The following AP1B1 variants were observed in gnomAD, a reference collection of about 807,000 sequenced individuals.
AP1B1 encodes the protein adaptor related protein complex 1 subunit beta 1, also known as AP-1 complex subunit beta-1.
In AP1B1, 36 loss-of-function variants were observed where a neutral mutation model predicts 104.3. The observed-to-expected ratio is 0.35, with a 90% CI of 0.26 to 0.46. The LOEUF (loss-of-function observed/expected upper bound fraction) is 0.46, where lower values mean the gene tolerates loss of function less well. Among genes scored for constraint, AP1B1 ranks in the 20% least tolerant of loss-of-function variants. The pLI is 1.00. For synonymous variants in AP1B1, 504 were observed against 517.5 expected (o/e 0.97, Z 0.35); for missense variants, 901 against 1,247.9 (o/e 0.72, Z 4.19).
In AP1B1 at chr22:29,388,465, C is replaced by G. The variant is rs1294674070; in HGVS notation, c.-69G>C. 6.6e-6 allele frequency: 1 copy of G among 152,292 alleles called. No individual in the cohort carries two copies. The highest frequency in any genetic ancestry group is 1.5e-5 in the Non-Finnish European group (1 of 68,094). 9.4% of individuals were successfully genotyped at this position (152,292 alleles called of 1,614,324 possible). A position where few individuals can be genotyped will look rare whatever the true frequency, so the allele number is the denominator to read the frequency against. On this transcript the variant is annotated 5_prime_UTR_variant, in exon 1 of 23. Transcript: ENST00000357586. The stretch of plus-strand genomic sequence containing the variant: ...CTCCCGGCGCCCCGGCTCGGTTCGG[C>G]TTGGCACCAAAATGTCCGCGGCCTC...
At chr22:29,341,379 G>C in intron 13 of AP1B1, 122 bp downstream of exon 13, 1 of 1,254,696 alleles carries the variant, frequency 8.0e-7, no homozygotes, top group Non-Finnish European at 1.1e-6. Flanking sequence ...CTGATAAAAG[G>C]TTGTCAGTTT....
At position 29,346,794 on chromosome 22, in the gene AP1B1, T is replaced by TGGG. The variant is rs112494263; in HGVS notation, c.1437+2421_1437+2423dup. On this transcript the variant is annotated intron_variant, in intron 11 of 22. Coordinates refer to ENST00000357586, the MANE Select transcript of AP1B1 (RefSeq NM_001127.4). ...AAGGCAGTCTGGAGGCAGGTGGCAG[T>TGGG]GGGGGGGGGTGACGGTGGGAATTAG... is the stretch of plus-strand genomic sequence containing the variant. Among the ~76,000 whole-genome samples, 660 of 147,504 alleles carry TGGG rather than the reference T, an allele frequency of 4.5e-3. 9 individuals are homozygous for TGGG. Among genetic ancestry groups the TGGG allele is most frequent in the African/African-American group, 0.016 (624 of 39,794 alleles).
intron 9 of AP1B1, among the ~76,000 whole-genome samples, chr22:29,350,800 C>T (rs1026943914): frequency 1.3e-5 from 2 of 152,162 alleles, no homozygotes; most frequent in East Asian, 1.9e-4. Flanking sequence ...CACAGAGGCA[C>T]GTGGGCAGCT....
rs2061503347 is a variant in AP1B1 at position 29,327,987 on chromosome 22, CCAAACA to C, written c.*828_*833del. The C allele has an allele frequency of 6.5e-6, 1 of 152,758 alleles. No individual in the cohort carries two copies. Among genetic ancestry groups the C allele is most frequent in the African/African-American group, 2.4e-5 (1 of 41,414 alleles). 9.5% of individuals were successfully genotyped at this position (152,758 alleles called of 1,614,324 possible). On this transcript the variant is annotated 3_prime_UTR_variant, in exon 23 of 23. Transcript: ENST00000357586. The stretch of plus-strand genomic sequence containing the variant: ...CACTACAGAGAAACCCCGAAGAAAC[CCAAACA>C]GGAGGCGCACCCGCTTACCCAGCCC...
intron 1 of AP1B1, among the ~76,000 whole-genome samples, chr22:29,383,023 T>A (rs186832461): frequency 3.9e-5 from 6 of 152,290 alleles, no homozygotes; most frequent in Admixed American, 1.3e-4. Context: ...TTTCTCTACT[T>A]CTTTGTCTCT....
intron 7 of AP1B1, among the ~76,000 whole-genome samples, chr22:29,352,316 C>T (rs568451257): frequency 6.6e-6 from 1 of 152,326 alleles, no homozygotes; most frequent in South Asian, 2.1e-4. Context: ...TTAACTGTAC[C>T]TAGACCATTT....
intron 16 of AP1B1, 100 bp downstream of exon 16, chr22:29,338,890 G>T: frequency 6.6e-7 from 1 of 1,521,032 alleles, no homozygotes; most frequent in Non-Finnish European, 8.9e-7. Flanking sequence ...ATCACTGCTG[G>T]CCTGAGCCAA....
At chr22:29,329,436 G>A (rs1259406452) in intron 22 of AP1B1, 1 of 1,357,432 alleles carries the variant, frequency 7.4e-7, no homozygotes, top group Non-Finnish European at 9.5e-7. Flanking sequence ...TAAAGCACTG[G>A]TTCTGCAGGG....
At position 29,343,902 on chromosome 22, in the gene AP1B1, G is replaced by C. The variant is rs564073009; in HGVS notation, c.1438-1519C>G. Among the ~76,000 whole-genome samples the C allele has an allele frequency of 1.8e-3, 274 of 152,148 alleles. 2 individuals carry two copies. Among genetic ancestry groups the C allele is most frequent in the Admixed American group, 0.015 (230 of 15,286 alleles). On this transcript the variant is annotated intron_variant, in intron 11 of 22. Transcript: ENST00000357586. The stretch of plus-strand genomic sequence containing the variant: ...TCGGTGGTTGGATCACCTGAGGTCA[G>C]GAGTTCGAGACCAGCCTGGCCAACA...
rs779571654 is a variant in AP1B1, at chr22:29,334,332, C to T, written c.2242G>A (p.Asp748Asn). The T allele has an allele frequency of 7.4e-6, 12 of 1,611,654 alleles. No homozygotes were observed. Among genetic ancestry groups the T allele is most frequent in the Non-Finnish European group, 1.0e-5 (12 of 1,179,226 alleles). Residue 748 changes from aspartate to asparagine, a missense_variant, in exon 17 of 23, where the codon GAC (aspartate) becomes AAC (asparagine). Asp to Asn is a conservative substitution (Grantham distance 23). Coordinates refer to ENST00000357586, the MANE Select transcript of AP1B1 (RefSeq NM_001127.4). ...FTRQVGSISM[D>N]LQLTNKALQV... ...AAGGCCTTGTTGGTCAGCTGCAGGTCCATGGAGATGGAGCCCACCTGGCGG... is the reference window on the plus strand; with the variant it reads ...AAGGCCTTGTTGGTCAGCTGCAGGTTCATGGAGATGGAGCCCACCTGGCGG...
chr22:29,377,151 G>A (rs1266849415), intron 1 of AP1B1, among the ~76,000 whole-genome samples: 4 of 140,666 alleles, frequency 2.8e-5, no homozygotes, highest in African/African-American at 8.0e-5. Context: ...AGCCGAGACC[G>A]TGCCACTGCA....
intron 10 of AP1B1, 52 bp from the exon 11 acceptor site, chr22:29,349,435 C>G: frequency 6.3e-7 from 1 of 1,593,382 alleles, no homozygotes; most frequent in Non-Finnish European, 8.6e-7. Flanking sequence ...GAACGGGAAA[C>G]CCAGGGAAGC....
At chr22:29,375,349 CAAAAAAAAA>C (rs547697174) in intron 1 of AP1B1, among the ~76,000 whole-genome samples, 2 of 57,360 alleles carry the variant, frequency 3.5e-5, no homozygotes, top group Admixed American at 5.3e-4. Flanking sequence ...GATTCCATCA[CAAAAAAAAA>C]AAAAAAAAAA....
In AP1B1 at chr22:29,351,277, A is replaced by G. The variant is rs756734; in HGVS notation, c.1060-11T>C. On this transcript the variant is annotated splice_polypyrimidine_tract_variant and intron_variant, in intron 8 of 22. Transcript: ENST00000357586. ...CAGCTCTGCCAACACCTGTGGCCCA[A>G]ACAGAAAAGATGGGGCTGGGGCACC... 6,394 of 1,613,988 alleles carry G rather than the reference A, an allele frequency of 4.0e-3. 107 individuals are homozygous for G. In the East Asian group the frequency reaches 0.041, roughly 10 times the overall value.
At chr22:29,331,702 C>G in intron 18 of AP1B1, 85 bp downstream of exon 18, 1 of 1,609,770 alleles carries the variant, frequency 6.2e-7, no homozygotes, top group South Asian at 1.1e-5. Flanking sequence ...AGCATGACTC[C>G]GCAGACACGA....
At position 29,341,561 on chromosome 22, in the gene AP1B1, C is replaced by G. The variant is rs753171403; in HGVS notation, c.1736G>C (p.Ser579Thr). 1.9e-6 allele frequency: 3 copies of G among 1,614,206 alleles called. No individual in the cohort carries two copies. The highest frequency in any genetic ancestry group is 2.5e-6 in the Non-Finnish European group (3 of 1,180,038). Reference protein sequence around the residue: ...TLASVYHKPPSAFVEGGRGVV... With the variant: ...TLASVYHKPPTAFVEGGRGVV... ...GCCCCGGCCCCCCTCCACAAAGGCA[C>G]TGGGAGGCTTATGGTAGACGGAAGC... Residue 579 changes from serine to threonine, a missense_variant, in exon 13 of 23, where the codon AGT becomes ACT. Physicochemically the swap from Ser to Thr is moderately conservative, Grantham distance 58. Transcript: ENST00000357586.
intron 7 of AP1B1, 130 bp from the exon 8 acceptor site, chr22:29,351,955 T>C (rs1283388851): frequency 1.6e-6 from 2 of 1,238,670 alleles, no homozygotes; most frequent in Non-Finnish European, 2.2e-6. Context: ...GCAGAGTCAC[T>C]GCCATGGCTG....
intron 1 of AP1B1, among the ~76,000 whole-genome samples, chr22:29,369,724 A>G (rs1368112687): frequency 6.6e-6 from 1 of 152,238 alleles, no homozygotes; most frequent in Non-Finnish European, 1.5e-5. Flanking sequence ...TTGTTGAAAG[A>G]AATGAAAAGG....
chr22:29,351,357 A>G (rs753673457), intron 8 of AP1B1, 91 bp from the exon 9 acceptor site: 4 of 1,374,876 alleles, frequency 2.9e-6, no homozygotes, highest in Admixed American at 1.7e-5. Context: ...CAGACTCCCT[A>G]GGAGAATGGG....
Sources: allele counts gnomAD v4.1 joint callset (sites outside exome capture counted in the v4.1 genomes callset), GRCh38; gene constraint gnomAD v4.1.1; transcripts MANE v1.5; gene names NCBI Gene and HGNC (gene_info 2026-07-23, HGNC 2026-07-21).